Variants in PTDSS2 observed in about 807,000 individuals in gnomAD.
The protein encoded by PTDSS2 is phosphatidylserine synthase 2, also known as PSS-2.
In PTDSS2, 41 loss-of-function variants were observed where a neutral mutation model predicts 64.7. That is an observed-to-expected ratio of 0.63 (90% CI 0.49 to 0.82). The LOEUF (loss-of-function observed/expected upper bound fraction) is 0.82. Among genes scored for constraint, PTDSS2 ranks in the 40% least tolerant of loss-of-function variants. The pLI is 0.00. For missense variants in PTDSS2, 485 were observed against 650.0 expected, an observed-to-expected ratio of 0.75 and a Z score of 2.76; for synonymous variants, 297 against 277.8, an observed-to-expected ratio of 1.07 and a Z score of -0.69.
rs558861817 is a variant in PTDSS2, at chr11:491,283, G to A, written c.*701G>A. 2.6e-5 allele frequency: 4 copies of A among 152,572 alleles called. No homozygotes were observed. In the East Asian group the frequency reaches 7.7e-4, roughly 29 times the overall value. The allele number at this position is 152,572 out of a possible 1,614,324, so 9.5% of individuals were successfully genotyped here. ...ACTGAGCTGCCCCTCAAGGGGGCCT[G>A]GAACCCGGGTGCTGGGGTCATGCTG... On this transcript the variant is annotated 3_prime_UTR_variant, in exon 12 of 12. Transcript: ENST00000308020.
chr11:482,724 A>G (rs1243720362), intron 4 of PTDSS2, among the ~76,000 whole-genome samples: 11 of 149,984 alleles, frequency 7.3e-5, no homozygotes, highest in East Asian at 2.0e-4. Context: ...GAGTGGAGAA[A>G]GTTCTGTGAG....
chr11:469,450 C>T (rs1590639372), intron 2 of PTDSS2, among the ~76,000 whole-genome samples: 1 of 108,348 alleles, frequency 9.2e-6, no homozygotes, highest in Non-Finnish European at 1.8e-5. Flanking sequence ...TCTGGGTAAT[C>T]GGAGGGAGGA....
At position 476,447 on chromosome 11, in the gene PTDSS2, G is replaced by A. The variant is rs1335758365; in HGVS notation, c.367+2470G>A. 6.6e-6 allele frequency among the ~76,000 whole-genome samples: 1 copy of A among 152,188 alleles called. No individual in the cohort carries two copies. The highest frequency in any genetic ancestry group is 1.5e-5 in the Non-Finnish European group (1 of 68,036). ...ACGTGCTTGTTGGGTGGATTTGGAG[G>A]GAAGAAAAGCTGCCGGAAGCTCAAC... On this transcript the variant is annotated intron_variant, in intron 3 of 11. Transcript: ENST00000308020. The surrounding 1 kb of genome is among the most constrained non-coding windows in gnomAD (Gnocchi z 4.9).
rs569463101 is a variant in PTDSS2 at position 470,071 on chromosome 11, C to G, written c.285-3824C>G. Among the ~76,000 whole-genome samples, 2 of 152,156 alleles carry G rather than the reference C, an allele frequency of 1.3e-5. No homozygotes were observed. Among genetic ancestry groups the G allele is most frequent in the Non-Finnish European group, 2.9e-5 (2 of 68,018 alleles). ...AAGGTTTTCAGTAAATGAGGTAGATCCCCCCATTCCAGGAGCTGGCGTGAG... is the reference window on the plus strand; with the variant it reads ...AAGGTTTTCAGTAAATGAGGTAGATGCCCCCATTCCAGGAGCTGGCGTGAG... On this transcript the variant is annotated intron_variant, in intron 2 of 11. Transcript: ENST00000308020. This position sits in a 1 kb window ranked among gnomAD's most constrained non-coding sequence, Gnocchi z 5.3.
At chr11:468,372 G>T (rs1847237968) in intron 2 of PTDSS2, among the ~76,000 whole-genome samples, 1 of 152,212 alleles carries the variant, frequency 6.6e-6, no homozygotes, top group South Asian at 2.1e-4. Flanking sequence ...ACTCTGTGTG[G>T]CACCATCCTG....
At chr11:455,164 A>G (rs1490126949) in intron 1 of PTDSS2, among the ~76,000 whole-genome samples, 2 of 152,038 alleles carry the variant, frequency 1.3e-5, no homozygotes, top group East Asian at 1.9e-4. Context: ...TGGTGTCCTC[A>G]CGTTGATCTA....
chr11:489,965 G>T lies in PTDSS2; in HGVS notation c.1198G>T (p.Asp400Tyr). ...ATELLIVVKYDPHTLTLSLPF... is the reference protein window; with the variant it reads ...ATELLIVVKYYPHTLTLSLPF... ...GGAGCTGCTCATCGTGGTGAAGTAC[G>T]ACCCCCACACGCTCACCCTGTCCCT... is the stretch of plus-strand genomic sequence containing the variant. The change falls in exon 11 of 12, where the codon GAC becomes TAC. Residue 400 changes from aspartate (D) to tyrosine (Y), a missense_variant. This residue lies in a region of PTDSS2 where 219 missense variants were observed against 257.3 expected (regional missense o/e 0.85). Coordinates refer to ENST00000308020, the MANE Select transcript of PTDSS2 (RefSeq NM_030783.3). The T allele has an allele frequency of 6.2e-7, 1 of 1,611,810 alleles. No homozygotes were observed.
At chr11:463,177 A>AT (rs1310907649) in intron 2 of PTDSS2, 18 of 151,838 alleles carry the variant, frequency 1.2e-4, no homozygotes, top group African/African-American at 4.1e-4. Context: ...AAAAAAAAAA[A>AT]GAAAAGAAAA....
chr11:474,542 C>G (rs576240627), intron 3 of PTDSS2, among the ~76,000 whole-genome samples: 1 of 152,156 alleles, frequency 6.6e-6, no homozygotes, highest in Non-Finnish European at 1.5e-5. Context: ...GGTTGCCCAG[C>G]GCACTCTGCC....
Position 490,465 on chromosome 11 carries a change from G to C in PTDSS2, c.1347G>C (p.Gln449His). The part of the protein sequence containing the change: ...RYKETRWQKW[Q>H]NKDDQGSTVG... ...AGGAGACCCGGTGGCAGAAGTGGCA[G>C]AACAAGGATGACCAGGGCAGCACCG... The change falls in exon 12 of 12, where the codon CAG becomes CAC. Residue 449 changes from glutamine (Q) to histidine (H), a missense_variant. Coordinates refer to ENST00000308020, the MANE Select transcript of PTDSS2 (RefSeq NM_030783.3). 2 of 1,613,238 alleles carry C rather than the reference G, an allele frequency of 1.2e-6. No individual in the cohort carries two copies. Among genetic ancestry groups the C allele is most frequent in the Non-Finnish European group, 1.7e-6 (2 of 1,179,952 alleles).
At chr11:482,092 C>T (rs963273369) in intron 4 of PTDSS2, among the ~76,000 whole-genome samples, 22 of 152,020 alleles carry the variant, frequency 1.4e-4, no homozygotes, top group African/African-American at 5.1e-4. Flanking sequence ...GTGATCCGCC[C>T]ACCTTGGCCT....
chr11:472,195 T>G (rs906492318), intron 2 of PTDSS2, among the ~76,000 whole-genome samples: 3 of 152,174 alleles, frequency 2.0e-5, no homozygotes, highest in Non-Finnish European at 4.4e-5. Flanking sequence ...CATTTTTATC[T>G]TTTCTGGGGA....
At position 479,176 on chromosome 11, in the gene PTDSS2, TA is replaced by T. The variant is rs1440243197; in HGVS notation, c.435+25del. On this transcript the variant is annotated intron_variant, in intron 4 of 11. Coordinates refer to ENST00000308020, the MANE Select transcript of PTDSS2 (RefSeq NM_030783.3). This position sits in a 1 kb window ranked among gnomAD's most constrained non-coding sequence, Gnocchi z 4.2. ...AGGTAAGCTGTTTTTCTGGGTTGGA[TA>T]CCTGGGAACTTAGGTGACAGTGTGG... 2 of 1,598,912 alleles carry T rather than the reference TA, an allele frequency of 1.3e-6. No homozygotes were observed. The highest frequency in any genetic ancestry group is 4.5e-5 in the East Asian group (2 of 44,792).
At chr11:469,030 A>G (rs1354107689) in intron 2 of PTDSS2, among the ~76,000 whole-genome samples, 19 of 82,664 alleles carry the variant, frequency 2.3e-4, no homozygotes, top group East Asian at 4.5e-4. Flanking sequence ...GGTAATCGGA[A>G]GGAGGAGGAG....
chr11:457,555 T>G (rs936367034), intron 1 of PTDSS2, among the ~76,000 whole-genome samples: 1 of 152,226 alleles, frequency 6.6e-6, no homozygotes, highest in African/African-American at 2.4e-5. Flanking sequence ...TTGAGATCTA[T>G]CCACGTTGAG....
intron 2 of PTDSS2, among the ~76,000 whole-genome samples, chr11:469,596 G>A (rs866616423): frequency 3.3e-5 from 5 of 152,074 alleles, no homozygotes; most frequent in African/African-American, 9.7e-5. Context: ...ACCATTGCAC[G>A]TTTAGCCCAG....
In PTDSS2 at chr11:486,992, C is replaced by T. The variant is rs770090943; in HGVS notation, c.489C>T (p.Val163=). ...AGTATGTTGACCCCAAGCTGGGAGT[C>T]CCACTGCCAGAGAGAGACTACGGGG... ...FLKYVDPKLG[V]PLPERDYGGN... The change falls in exon 5 of 12, where the codon GTC becomes GTT. Residue 163 remains valine (V), a synonymous_variant. Coordinates refer to ENST00000308020, the MANE Select transcript of PTDSS2 (RefSeq NM_030783.3). The T allele has an allele frequency of 1.1e-5, 17 of 1,613,292 alleles. No individual in the cohort carries two copies. Among genetic ancestry groups the T allele is most frequent in the Admixed American group, 1.7e-5 (1 of 59,998 alleles).
chr11:478,585 G>A (rs1193991209), intron 3 of PTDSS2, among the ~76,000 whole-genome samples: 1 of 151,958 alleles, frequency 6.6e-6, no homozygotes, highest in African/African-American at 2.4e-5. Context: ...TGTCCCGACT[G>A]AAAATACAAA....
chr11:488,161 C>T, intron 6 of PTDSS2, 38 bp from the exon 7 acceptor site: 1 of 1,486,122 alleles, frequency 6.7e-7, no homozygotes, highest in Non-Finnish European at 9.4e-7. Context: ...CCGGGTGTGG[C>T]CGGCGTCCCA....
Sources: allele counts gnomAD v4.1 joint callset (sites outside exome capture counted in the v4.1 genomes callset), GRCh38; gene constraint gnomAD v4.1.1; regional missense constraint gnomAD v4.1.1; non-coding constraint Gnocchi (gnomAD v3.1); transcripts MANE v1.5; gene names NCBI Gene and HGNC (gene_info 2026-07-23, HGNC 2026-07-21).